Variants in NR1I3 observed in about 807,000 individuals in gnomAD.
NR1I3 encodes constitutive activator of retinoid response.
Under a neutral mutation model 38.4 loss-of-function variants are expected in NR1I3, and 30 were observed. The observed-to-expected ratio is 0.78, with a 90% CI of 0.58 to 1.06. The LOEUF is 1.06. Ranked by LOEUF, NR1I3 falls within the 50% of genes least tolerant of loss-of-function variation. The probability of loss-of-function intolerance (pLI) is 0.00; values close to 1 mark genes in which losing one functional copy is unlikely to be tolerated. For missense variants in NR1I3, 388 were observed against 435.7 expected, an observed-to-expected ratio of 0.89 and a Z score of 0.97; for synonymous variants, 143 against 165.1, an observed-to-expected ratio of 0.87 and a Z score of 1.03.
At chr1:161,230,040 C>T (rs1430688858) in intron 8 of NR1I3, 114 bp from the exon 9 acceptor site, 1 of 1,289,116 alleles carries the variant, frequency 7.8e-7, no homozygotes, top group Non-Finnish European at 1.1e-6. Context: ...CAGGTCTGAA[C>T]ATTAGAGAAA....
intron 1 of NR1I3, 126 bp from the exon 2 acceptor site, chr1:161,236,724 T>C: frequency 1.0e-6 from 1 of 971,048 alleles, no homozygotes; most frequent in Non-Finnish European, 1.4e-6. Flanking sequence ...TTATCTTTTG[T>C]GGTTTTCTTT....
chr1:161,237,201 C>T (rs888898281), intron 1 of NR1I3, among the ~76,000 whole-genome samples: 175 of 144,408 alleles, frequency 1.2e-3, no homozygotes, highest in African/African-American at 4.2e-3. Flanking sequence ...TTATTCCTTT[C>T]TTTCCTTTTT....
At chr1:161,232,007 A>G (rs914315237) in intron 5 of NR1I3, among the ~76,000 whole-genome samples, 11 of 151,326 alleles carry the variant, frequency 7.3e-5, no homozygotes, top group Admixed American at 6.6e-4. Flanking sequence ...TTTATTTTTG[A>G]GACAGAGTGT....
In NR1I3 at chr1:161,236,574, G is replaced by C. The variant is rs776036693; in HGVS notation, c.-9C>G. The C allele has an allele frequency of 2.5e-6, 4 of 1,614,000 alleles. No homozygotes were observed. In the Admixed American group the frequency reaches 5.0e-5, roughly 20 times the overall value. ...TCTTCCCTACTGGCCATGACGTCAC[G>C]TGTTGGGGTGGCTGTCACAGACTCC... On this transcript the variant is annotated 5_prime_UTR_variant, in exon 2 of 9. Coordinates refer to ENST00000367983, the MANE Select transcript of NR1I3 (RefSeq NM_005122.5).
In NR1I3 at chr1:161,232,883, C is replaced by A; in HGVS notation, c.472G>T (p.Val158Phe). 1 of 1,614,190 alleles carries A rather than the reference C, an allele frequency of 6.2e-7. No homozygotes were observed. The highest frequency in any genetic ancestry group is 8.5e-7 in the Non-Finnish European group (1 of 1,180,036). Residue 158 changes from valine (V) to phenylalanine (F), a missense_variant, in exon 5 of 9, where the codon GTC (valine) becomes TTC (phenylalanine). Coordinates refer to ENST00000367983, the MANE Select transcript of NR1I3 (RefSeq NM_005122.5). ...GTGTTGATGTCTGCGAAGTGTGTGA[C>A]CAGAGGCAGCACAGGGGCCAGGGTG... ...LPTLAPVLPL[V>F]THFADINTFM...
At chr1:161,237,749 A>T (rs1466985535) in intron 1 of NR1I3, among the ~76,000 whole-genome samples, 1 of 151,772 alleles carries the variant, frequency 6.6e-6, no homozygotes, top group Non-Finnish European at 1.5e-5. Flanking sequence ...AACAAAAAAC[A>T]AAAAAACAAA....
chr1:161,236,883 T>C (rs942901425), intron 1 of NR1I3, among the ~76,000 whole-genome samples: 1 of 151,376 alleles, frequency 6.6e-6, no homozygotes, highest in Non-Finnish European at 1.5e-5. Context: ...CAGACCACCA[T>C]GTCCAGCTAA....
intron 3 of NR1I3, among the ~76,000 whole-genome samples, chr1:161,233,817 C>T (rs1667882422): frequency 6.9e-6 from 1 of 144,984 alleles, no homozygotes; most frequent in South Asian, 2.1e-4. Context: ...ATAGGCAGGG[C>T]TGGTATTCAT....
chr1:161,233,068 TG>T, intron 4 of NR1I3, 100 bp downstream of exon 4: 1 of 1,575,316 alleles, frequency 6.3e-7, no homozygotes, highest in Non-Finnish European at 8.7e-7. Flanking sequence ...TCTGGAGATC[TG>T]TTCTCAGTAT....
intron 3 of NR1I3, among the ~76,000 whole-genome samples, chr1:161,233,837 ATG>A (rs761756944): frequency 0.064 from 7,586 of 118,306 alleles, 184 homozygotes; most frequent in Middle Eastern, 0.095. Context: ...TCATATATAT[ATG>A]TGTGTGTGTG....
At chr1:161,229,947 T>A (rs370975090) in intron 8 of NR1I3, 21 bp from the exon 9 acceptor site, 1 of 1,613,654 alleles carries the variant, frequency 6.2e-7, no homozygotes, top group Non-Finnish European at 8.5e-7. Flanking sequence ...AGTAGTGGGG[T>A]TGCCAGGAAA....
intron 2 of NR1I3, 124 bp from the exon 3 acceptor site, chr1:161,236,101 C>T (rs1668565346): frequency 8.9e-7 from 1 of 1,129,458 alleles, no homozygotes; most frequent in Non-Finnish European, 1.2e-6. Flanking sequence ...GCCCAAAGGT[C>T]CCCAGGGGTG....
rs1667223512 is a variant in NR1I3, at chr1:161,231,313, T to G, written c.694+16A>C. The stretch of plus-strand genomic sequence containing the variant: ...CATGAGGACACATGCCCCCTATTGC[T>G]CTAGCACCATCTCACCACGGGCTCC... On this transcript the variant is annotated intron_variant, in intron 6 of 8. Transcript: ENST00000367983. The G allele has an allele frequency of 5.0e-6, 8 of 1,592,076 alleles. No homozygotes were observed. In the East Asian group the frequency reaches 1.6e-4, roughly 31 times the overall value.
chr1:161,232,210 T>A (rs1178384061), intron 5 of NR1I3, among the ~76,000 whole-genome samples: 2 of 152,060 alleles, frequency 1.3e-5, no homozygotes, highest in East Asian at 3.9e-4. Flanking sequence ...GGTCTCAAAT[T>A]CCTGAGCTCA....
chr1:161,229,749 T>G lies in NR1I3; in HGVS notation c.*48A>C. On this transcript the variant is annotated 3_prime_UTR_variant, in exon 9 of 9. Transcript: ENST00000367983. ...TGGTCCCAGCATTTTCCCACTCCAG[T>G]GTATCCAGGGTGTTCCAGGTGAGCT... 1 of 1,614,208 alleles carries G rather than the reference T, an allele frequency of 6.2e-7. No individual in the cohort carries two copies. The highest frequency in any genetic ancestry group is 8.5e-7 in the Non-Finnish European group (1 of 1,180,038).
At chr1:161,230,253 T>C (rs1027816430) in intron 8 of NR1I3, 8 of 372,844 alleles carry the variant, frequency 2.1e-5, no homozygotes, top group Non-Finnish European at 3.5e-5. Flanking sequence ...TTCTAGAAGG[T>C]GGATGTGTTC....
chr1:161,237,647 G>A (rs1299098886), intron 1 of NR1I3, among the ~76,000 whole-genome samples: 2 of 151,922 alleles, frequency 1.3e-5, no homozygotes, highest in Non-Finnish European at 1.5e-5. Context: ...CAACCTGGGA[G>A]GCAGAGGTTG....
chr1:161,237,904 G>A, intron 1 of NR1I3, 137 bp downstream of exon 1: 1 of 816,786 alleles, frequency 1.2e-6, no homozygotes. Flanking sequence ...GGTTGGTCTT[G>A]AACTCCTGGG....
Position 161,232,915 on chromosome 1 carries a change from G to A in NR1I3, c.440C>T (p.Pro147Leu). ...CAGCACAGGGGCCAGGGTGGGCAAG[G>A]GCTGGTGATGGATGAACAGATGAGC... The part of the protein sequence containing the change: ...PPAHLFIHHQ[P>L]LPTLAPVLPL... The change falls in exon 5 of 9, where the codon CCC (proline) becomes CTC (leucine). Residue 147 changes from proline (P) to leucine (L), a missense_variant. Coordinates refer to ENST00000367983, the MANE Select transcript of NR1I3 (RefSeq NM_005122.5). 3 of 1,614,224 alleles carry A rather than the reference G, an allele frequency of 1.9e-6. No homozygotes were observed. The African/African-American group carries it at 4.0e-5, about 22-fold the overall frequency.
Sources: gnomAD v4.1 joint callset for allele counts (sites outside exome capture counted in the v4.1 genomes callset) on GRCh38, gnomAD v4.1.1 for gene constraint, MANE v1.5 for transcripts, NCBI Gene and HGNC (gene_info 2026-07-23, HGNC 2026-07-21) for gene names.